SYNDIG1: variants seen among roughly 807,000 people sequenced by gnomAD.
SYNDIG1 encodes synapse differentiation-inducing gene protein 1.
SYNDIG1 carries 9 observed loss-of-function variants against 19.4 expected under a neutral mutation model. The ratio of observed to expected loss-of-function variants is 0.46; its 90% confidence interval spans 0.28 to 0.81. SYNDIG1 has a LOEUF of 0.81. Ranked by LOEUF, SYNDIG1 falls within the 30% of genes least tolerant of loss-of-function variation. SYNDIG1 has a pLI of 0.12. For missense variants in SYNDIG1, 311 were observed against 343.3 expected, an observed-to-expected ratio of 0.91 and a Z score of 0.74; for synonymous variants, 141 against 145.9, an observed-to-expected ratio of 0.97 and a Z score of 0.24.
chr20:24,554,393 G>A (rs950726618), intron 2 of SYNDIG1, among the ~76,000 whole-genome samples: 5 of 152,194 alleles, frequency 3.3e-5, no homozygotes, highest in Admixed American at 1.3e-4. Flanking sequence ...AGTTTTCAAA[G>A]GGAATGCTTC....
At chr20:24,507,790 A>T (rs1852089105) in intron 1 of SYNDIG1, among the ~76,000 whole-genome samples, 1 of 152,216 alleles carries the variant, frequency 6.6e-6, no homozygotes. Context: ...TCCTGCGGCC[A>T]TCTGTTTCCT....
chr20:24,566,950 G>A lies in SYNDIG1; in HGVS notation c.481-17906G>A, dbSNP rs138619700. 1.7e-3 allele frequency among the ~76,000 whole-genome samples: 262 copies of A among 152,308 alleles called. 3 individuals are homozygous for A. The highest frequency in any genetic ancestry group is 5.0e-3 in the African/African-American group (209 of 41,572). On this transcript the variant is annotated intron_variant, in intron 2 of 3. Transcript: ENST00000376862. ...TTCTCTAACCACTTCAGGGACAGAG[G>A]AGGCACGAGACTGACCTTTCTTGGG...
At chr20:24,522,189 A>G (rs1211822909) in intron 1 of SYNDIG1, among the ~76,000 whole-genome samples, 1 of 152,100 alleles carries the variant, frequency 6.6e-6, no homozygotes, top group Non-Finnish European at 1.5e-5. Flanking sequence ...ATCCTCCAGC[A>G]TCAGCCTCAG....
At chr20:24,649,950 G>T (rs2059454108) in intron 3 of SYNDIG1, among the ~76,000 whole-genome samples, 1 of 152,188 alleles carries the variant, frequency 6.6e-6, no homozygotes, top group Non-Finnish European at 1.5e-5. Context: ...GGAAGCCATT[G>T]CTCCCTATGG....
At chr20:24,560,403 T>C (rs886178357) in intron 2 of SYNDIG1, among the ~76,000 whole-genome samples, 1 of 152,152 alleles carries the variant, frequency 6.6e-6, no homozygotes, top group African/African-American at 2.4e-5. Flanking sequence ...GTTCTTCAGC[T>C]TGGATAATTG....
Position 24,657,162 on chromosome 20 carries a change from C to T in SYNDIG1, c.619-8184C>T, listed in dbSNP as rs111400241. Among the ~76,000 whole-genome samples the T allele has an allele frequency of 3.3e-5, 5 of 152,310 alleles. 1 individual carries two copies. Among genetic ancestry groups the T allele is most frequent in the African/African-American group, 9.6e-5 (4 of 41,566 alleles). On this transcript the variant is annotated intron_variant, in intron 3 of 3. Transcript: ENST00000376862. ...AATCTCTTTTCTTTATAAAGTTACT[C>T]GGCCTCAGGTATTCCTTTATAGCAT...
chr20:24,649,288 A>G (rs1368497704), intron 3 of SYNDIG1, among the ~76,000 whole-genome samples: 2 of 152,150 alleles, frequency 1.3e-5, no homozygotes, highest in Non-Finnish European at 2.9e-5. Context: ...TACTCCCCTC[A>G]TTCAGTTTAT....
chr20:24,531,889 G>C (rs2057267375), intron 1 of SYNDIG1, among the ~76,000 whole-genome samples: 1 of 152,210 alleles, frequency 6.6e-6, no homozygotes, highest in Non-Finnish European at 1.5e-5. Context: ...CTGTATTTAG[G>C]GGACTGAGTT....
chr20:24,585,057 C>CCA, intron 3 of SYNDIG1, 64 bp downstream of exon 3: 1 of 1,370,054 alleles, frequency 7.3e-7, no homozygotes, highest in Non-Finnish European at 1.0e-6. Flanking sequence ...GTGGGGGCGG[C>CCA]AATCCCAGCC....
chr20:24,517,684 A>G (rs1025028353), intron 1 of SYNDIG1, among the ~76,000 whole-genome samples: 5 of 145,488 alleles, frequency 3.4e-5, no homozygotes, highest in African/African-American at 5.0e-5. Context: ...GTGTATATGT[A>G]TATATATATA....
intron 3 of SYNDIG1, among the ~76,000 whole-genome samples, chr20:24,627,014 G>T (rs1029175231): frequency 6.6e-6 from 1 of 152,112 alleles, no homozygotes; most frequent in African/African-American, 2.4e-5. Flanking sequence ...GCAGTGAGCC[G>T]AGATGGCAGC....
chr20:24,623,176 C>CAA lies in SYNDIG1; in HGVS notation c.618+38194_618+38195dup, dbSNP rs56072016. Among the ~76,000 whole-genome samples, 378 of 140,658 alleles carry CAA rather than the reference C, an allele frequency of 2.7e-3. 2 individuals are homozygous for CAA. The highest frequency in any genetic ancestry group is 7.3e-3 in the African/African-American group (277 of 37,784). The allele number at this position is 140,658 out of a possible 152,430, so 92.3% of individuals were successfully genotyped here. A position where few individuals can be genotyped will look rare whatever the true frequency, so the allele number is the denominator to read the frequency against. On this transcript the variant is annotated intron_variant, in intron 3 of 3. Transcript: ENST00000376862. ...CTTGGGTGACAGAGCAAGACTCCGTCAAAAAAAAAAAAGAAAAGAAAAAAG... is the reference window on the plus strand; with the variant it reads ...CTTGGGTGACAGAGCAAGACTCCGTCAAAAAAAAAAAAAAGAAAAGAAAAAAG...
At chr20:24,487,989 G>A (rs1278355044) in intron 1 of SYNDIG1, among the ~76,000 whole-genome samples, 1 of 152,172 alleles carries the variant, frequency 6.6e-6, no homozygotes, top group African/African-American at 2.4e-5. Context: ...GACCCCAGGA[G>A]AGACCAGCCA....
intron 2 of SYNDIG1, among the ~76,000 whole-genome samples, chr20:24,560,615 C>G (rs2057921449): frequency 6.7e-6 from 1 of 149,890 alleles, no homozygotes; most frequent in African/African-American, 2.4e-5. Flanking sequence ...ATATTTGTCA[C>G]TGTTGCATTG....
At chr20:24,549,753 C>T (rs946008067) in intron 2 of SYNDIG1, among the ~76,000 whole-genome samples, 9 of 152,166 alleles carry the variant, frequency 5.9e-5, no homozygotes, top group Non-Finnish European at 8.8e-5. Context: ...AGGTCACATA[C>T]GGGCTTGAAG....
rs568347363 is a variant in SYNDIG1 at position 24,492,167 on chromosome 20, G to A, written c.-79+22414G>A. Reference sequence around the variant, plus strand: ...CCAGGCACCGCAGGGACGCTGGGGAGAGCCTTCTCTCCACACCCCCTTGGA... The same window carrying A: ...CCAGGCACCGCAGGGACGCTGGGGAAAGCCTTCTCTCCACACCCCCTTGGA... On this transcript the variant is annotated intron_variant, in intron 1 of 3. Coordinates refer to ENST00000376862, the MANE Select transcript of SYNDIG1 (RefSeq NM_024893.3). Among the ~76,000 whole-genome samples, 478 of 118,596 alleles carry A rather than the reference G, an allele frequency of 4.0e-3. 1 individual carries two copies. Among genetic ancestry groups the A allele is most frequent in the African/African-American group, 0.017 (448 of 25,670 alleles). 77.8% of individuals were successfully genotyped at this position (118,596 alleles called of 152,430 possible).
intron 2 of SYNDIG1, among the ~76,000 whole-genome samples, chr20:24,571,140 A>G (rs921284266): frequency 6.6e-6 from 1 of 152,192 alleles, no homozygotes; most frequent in Non-Finnish European, 1.5e-5. Context: ...GTGGGATATG[A>G]AAAGGAAAAA....
Position 24,488,021 on chromosome 20 carries a change from G to C in SYNDIG1, c.-79+18268G>C, listed in dbSNP as rs147613948. Among the ~76,000 whole-genome samples, 16 of 152,318 alleles carry C rather than the reference G, an allele frequency of 1.1e-4. No individual in the cohort carries two copies. The East Asian group carries it at 2.9e-3, about 28-fold the overall frequency. ...GCCAAGAATCAAGCATCCCAGCGCA[G>C]CTTCACCTGTCAACCCAGAAAATGA... On this transcript the variant is annotated intron_variant, in intron 1 of 3. Coordinates refer to ENST00000376862, the MANE Select transcript of SYNDIG1 (RefSeq NM_024893.3).
At chr20:24,622,568 T>C (rs1287349735) in intron 3 of SYNDIG1, among the ~76,000 whole-genome samples, 2 of 152,202 alleles carry the variant, frequency 1.3e-5, no homozygotes, top group Non-Finnish European at 1.5e-5. Context: ...AACCGTATTA[T>C]GAACTGCACA....
Sources: gnomAD v4.1 joint callset for allele counts (sites outside exome capture counted in the v4.1 genomes callset) on GRCh38, gnomAD v4.1.1 for gene constraint, MANE v1.5 for transcripts, NCBI Gene and HGNC (gene_info 2026-07-23, HGNC 2026-07-21) for gene names.